The following EFCAB6 variants were observed in gnomAD, a reference collection of about 807,000 sequenced individuals.
The protein encoded by EFCAB6 is EF-hand calcium binding domain 6, also known as EF-hand calcium-binding domain-containing protein 6.
In EFCAB6, 156 loss-of-function variants were observed where a neutral mutation model predicts 169.8. The ratio of observed to expected loss-of-function variants is 0.92; its 90% CI spans 0.81 to 1.05. The LOEUF is 1.05. Ranked by LOEUF, EFCAB6 falls within the 50% of genes least tolerant of loss-of-function variation. The pLI, the probability that EFCAB6 is intolerant of heterozygous loss-of-function variation, is 0.00. For synonymous variants in EFCAB6, 698 were observed against 676.4 expected (o/e 1.03, Z -0.50); for missense variants, 1,800 against 1,829.1 (o/e 0.98, Z 0.29).
At chr22:43,558,434 T>C (rs1302593650) in intron 26 of EFCAB6, among the ~76,000 whole-genome samples, 2 of 152,214 alleles carry the variant, frequency 1.3e-5, no homozygotes, top group Non-Finnish European at 2.9e-5. Context: ...CGCTTTGCTT[T>C]ATTGTGCTTT....
At chr22:43,801,811 G>A (rs1569495673) in intron 2 of EFCAB6, among the ~76,000 whole-genome samples, 1 of 152,046 alleles carries the variant, frequency 6.6e-6, no homozygotes, top group Non-Finnish European at 1.5e-5. Context: ...AGGAAGGGAC[G>A]ACTTAAAACA....
chr22:43,582,745 G>A (rs2050811188), intron 24 of EFCAB6, among the ~76,000 whole-genome samples: 1 of 152,050 alleles, frequency 6.6e-6, no homozygotes, highest in African/African-American at 2.4e-5. Flanking sequence ...CAGATGCCAG[G>A]GGAAAAAAAC....
intron 6 of EFCAB6, among the ~76,000 whole-genome samples, chr22:43,741,437 G>A (rs1023005261): frequency 6.6e-6 from 1 of 152,082 alleles, no homozygotes; most frequent in Non-Finnish European, 1.5e-5. Context: ...TCCATCCCAC[G>A]CTGCCGCTGA....
chr22:43,583,263 C>T (rs1204812644), intron 24 of EFCAB6, among the ~76,000 whole-genome samples: 4 of 151,484 alleles, frequency 2.6e-5, no homozygotes, highest in Admixed American at 2.0e-4. Context: ...TCTTTGTATC[C>T]TTGTTTACTC....
chr22:43,672,790 G>C (rs1193481856), intron 13 of EFCAB6, among the ~76,000 whole-genome samples: 1 of 152,014 alleles, frequency 6.6e-6, no homozygotes, highest in Non-Finnish European at 1.5e-5. Context: ...CTTAATACTT[G>C]GGTGATGAAA....
intron 17 of EFCAB6, among the ~76,000 whole-genome samples, chr22:43,656,696 G>T (rs1276382438): frequency 6.6e-6 from 1 of 151,990 alleles, no homozygotes; most frequent in African/African-American, 2.4e-5. Flanking sequence ...TAGCTTAGGT[G>T]TGTAGGAGGC....
chr22:43,578,127 C>T (rs2050381396), intron 25 of EFCAB6, among the ~76,000 whole-genome samples: 1 of 152,110 alleles, frequency 6.6e-6, no homozygotes, highest in Admixed American at 6.5e-5. Context: ...AGTCCATTTC[C>T]CCTTCCTCCT....
At chr22:43,748,072 C>T (rs1358351845) in intron 6 of EFCAB6, among the ~76,000 whole-genome samples, 1 of 152,206 alleles carries the variant, frequency 6.6e-6, no homozygotes, top group Non-Finnish European at 1.5e-5. Context: ...GTCCCCACAA[C>T]ACCAGTAGGT....
chr22:43,733,682 T>C (rs576045830), intron 7 of EFCAB6, among the ~76,000 whole-genome samples: 3 of 152,166 alleles, frequency 2.0e-5, no homozygotes, highest in Admixed American at 2.0e-4. Context: ...TGAGTCTTCA[T>C]CCCAGCCCTG....
intron 26 of EFCAB6, among the ~76,000 whole-genome samples, chr22:43,569,209 C>T (rs1034097918): frequency 2.6e-5 from 4 of 152,216 alleles, no homozygotes; most frequent in African/African-American, 7.2e-5. Flanking sequence ...GCTGCAGTGT[C>T]GCCACAGCCA....
At chr22:43,593,379 G>A (rs953347914) in intron 23 of EFCAB6, among the ~76,000 whole-genome samples, 1 of 152,190 alleles carries the variant, frequency 6.6e-6, no homozygotes, top group African/African-American at 2.4e-5. Flanking sequence ...GAGAAAGAGT[G>A]TACTGGGAGT....
At chr22:43,751,350 C>T (rs1430265712) in intron 6 of EFCAB6, among the ~76,000 whole-genome samples, 1 of 152,216 alleles carries the variant, frequency 6.6e-6, no homozygotes, top group Non-Finnish European at 1.5e-5. Flanking sequence ...TTCTTCCTGT[C>T]TTAGCCACTC....
At chr22:43,664,024 C>A (rs1338852935) in intron 17 of EFCAB6, among the ~76,000 whole-genome samples, 1 of 152,224 alleles carries the variant, frequency 6.6e-6, no homozygotes, top group Non-Finnish European at 1.5e-5. Context: ...TGCCTTCAGG[C>A]AGCAGGGAGG....
chr22:43,775,413 G>A (rs1052094058), intron 3 of EFCAB6, among the ~76,000 whole-genome samples: 11 of 152,082 alleles, frequency 7.2e-5, no homozygotes, highest in African/African-American at 2.4e-4. Flanking sequence ...TCCAAGATGA[G>A]GTCACGCAAG....
intron 9 of EFCAB6, 184 bp downstream of exon 9, chr22:43,716,663 CA>C (rs2059341523): frequency 1.8e-6 from 1 of 548,046 alleles, no homozygotes; most frequent in Non-Finnish European, 2.9e-6. Context: ...TTCACATCAC[CA>C]TCACGATTAT....
Position 43,600,075 on chromosome 22 carries a change from G to T in EFCAB6, c.2870C>A (p.Ala957Glu). 1 of 1,613,378 alleles carries T rather than the reference G, an allele frequency of 6.2e-7. No individual in the cohort carries two copies. The highest frequency in any genetic ancestry group is 8.5e-7 in the Non-Finnish European group (1 of 1,179,716). The change falls in exon 23 of 32, where the codon GCA becomes GAA. Residue 957 changes from alanine to glutamate, a missense_variant. By Grantham distance (107) the Ala-to-Glu change is moderately radical (BLOSUM62 -1). Coordinates refer to ENST00000262726, the MANE Select transcript of EFCAB6 (RefSeq NM_022785.4). Reference sequence around the variant, plus strand: ...GTGATCCTTCCTCACTCACCTGGCTGCCACAGCCTTCTCTGTGCTCTGCTG... The same window carrying T: ...GTGATCCTTCCTCACTCACCTGGCTTCCACAGCCTTCTCTGTGCTCTGCTG... ...ELQQSTEKAV[A>E]ARDKLMDRHQ...
chr22:43,765,510 G>A, intron 4 of EFCAB6, 117 bp from the exon 5 acceptor site: 1 of 685,868 alleles, frequency 1.5e-6, no homozygotes, highest in Non-Finnish European at 2.5e-6. Context: ...CTATTAACAG[G>A]ACGAGCATTC....
chr22:43,544,841 T>G (rs140901352), intron 27 of EFCAB6, among the ~76,000 whole-genome samples: 7 of 152,120 alleles, frequency 4.6e-5, no homozygotes, highest in African/African-American at 1.7e-4. Context: ...AGATATTCAG[T>G]GCTGGGTGCA....
chr22:43,557,652 G>C (rs1178756650), intron 26 of EFCAB6, among the ~76,000 whole-genome samples: 1 of 152,070 alleles, frequency 6.6e-6, no homozygotes, highest in African/African-American at 2.4e-5. Flanking sequence ...AACACAGAAA[G>C]AGTCATATTC....
Sources: allele counts gnomAD v4.1 joint callset (sites outside exome capture counted in the v4.1 genomes callset), GRCh38; gene constraint gnomAD v4.1.1; transcripts MANE v1.5; gene names NCBI Gene and HGNC (gene_info 2026-07-23, HGNC 2026-07-21).